The following GPC5 variants were observed in gnomAD, a reference collection of about 807,000 sequenced individuals.
The protein encoded by GPC5 is glypican-5.
Under a neutral mutation model 53.9 loss-of-function variants are expected in GPC5, and 47 were observed. The ratio of observed to expected loss-of-function variants is 0.87; its 90% CI spans 0.69 to 1.11. The LOEUF is 1.11. Ranked by LOEUF, GPC5 falls within the 50% of genes most tolerant of loss-of-function variation. The probability of loss-of-function intolerance (pLI) is 0.00; values close to 1 mark genes in which losing one functional copy is unlikely to be tolerated. For synonymous variants in GPC5, 286 were observed against 263.3 expected (o/e 1.09, Z -0.84); for missense variants, 748 against 713.1 (o/e 1.05, Z -0.56).
intron 6 of GPC5, among the ~76,000 whole-genome samples, chr13:91,978,130 T>C (rs2040324135): frequency 6.6e-6 from 1 of 152,130 alleles, no homozygotes; most frequent in Admixed American, 6.5e-5. Context: ...CCACTGCATG[T>C]TCTCATGAAG....
intron 7 of GPC5, among the ~76,000 whole-genome samples, chr13:92,865,349 G>A (rs1312601284): frequency 1.3e-5 from 2 of 152,116 alleles, no homozygotes; most frequent in Admixed American, 6.6e-5. Context: ...CTGTATGTGT[G>A]TATGGAAGAT....
At chr13:91,855,402 T>A (rs898328490) in intron 5 of GPC5, among the ~76,000 whole-genome samples, 1 of 151,654 alleles carries the variant, frequency 6.6e-6, no homozygotes, top group African/African-American at 2.4e-5. Context: ...CAATCCACAT[T>A]CAAACATGCA....
At chr13:91,441,090 C>T (rs570014917) in intron 1 of GPC5, among the ~76,000 whole-genome samples, 4 of 152,328 alleles carry the variant, frequency 2.6e-5, no homozygotes, top group Middle Eastern at 3.4e-3. Flanking sequence ...AGATAGAAAA[C>T]TAATCCCCTG....
At chr13:92,045,108 T>G (rs1403981874) in intron 6 of GPC5, among the ~76,000 whole-genome samples, 1 of 152,208 alleles carries the variant, frequency 6.6e-6, no homozygotes, top group African/African-American at 2.4e-5. Flanking sequence ...GACTTTCTTT[T>G]TCCCTCCATA....
chr13:92,486,642 T>A (rs908800380), intron 7 of GPC5, among the ~76,000 whole-genome samples: 1 of 152,202 alleles, frequency 6.6e-6, no homozygotes, highest in Non-Finnish European at 1.5e-5. Flanking sequence ...TGTATTTCTA[T>A]GAAAGGAAAT....
intron 7 of GPC5, among the ~76,000 whole-genome samples, chr13:92,641,583 A>G (rs971103338): frequency 6.6e-6 from 1 of 152,206 alleles, no homozygotes; most frequent in Non-Finnish European, 1.5e-5. Flanking sequence ...AGGATATTTA[A>G]TTCAGTCTGG....
intron 7 of GPC5, among the ~76,000 whole-genome samples, chr13:92,763,300 G>A (rs1594489731): frequency 6.6e-6 from 1 of 152,172 alleles, no homozygotes; most frequent in Non-Finnish European, 1.5e-5. Context: ...TAATGTACCA[G>A]TTGGGAAGGC....
chr13:91,937,723 T>A (rs955451368), intron 6 of GPC5, among the ~76,000 whole-genome samples: 2 of 152,122 alleles, frequency 1.3e-5, no homozygotes, highest in African/African-American at 2.4e-5. Flanking sequence ...GAATTGTATA[T>A]AGGTTTATTT....
intron 5 of GPC5, among the ~76,000 whole-genome samples, chr13:91,812,672 GTTGT>G (rs1361875401): frequency 1.3e-5 from 2 of 152,086 alleles, no homozygotes; most frequent in South Asian, 2.1e-4. Flanking sequence ...AGTTTCCTGT[GTTGT>G]TTGAGTTCTT....
intron 7 of GPC5, among the ~76,000 whole-genome samples, chr13:92,599,822 A>C (rs1223086705): frequency 6.6e-6 from 1 of 152,130 alleles, no homozygotes; most frequent in Non-Finnish European, 1.5e-5. Flanking sequence ...TTTGTAAAAA[A>C]AAATTATTCT....
intron 7 of GPC5, among the ~76,000 whole-genome samples, chr13:92,398,459 CT>C (rs1218677202): frequency 6.0e-5 from 9 of 148,856 alleles, no homozygotes; most frequent in African/African-American, 2.2e-4. Context: ...AATTATTCCA[CT>C]CAATTTGTTT....
chr13:91,701,317 T>A (rs975007119), intron 3 of GPC5, among the ~76,000 whole-genome samples: 5 of 152,158 alleles, frequency 3.3e-5, no homozygotes, highest in African/African-American at 4.8e-5. Context: ...TCTTTCTGTC[T>A]AATTGAAACT....
At chr13:91,698,518 T>G (rs2139843247) in intron 3 of GPC5, among the ~76,000 whole-genome samples, 1 of 152,266 alleles carries the variant, frequency 6.6e-6, no homozygotes, top group East Asian at 1.9e-4. Flanking sequence ...CTGGATTATT[T>G]AGGACAAAAT....
chr13:92,288,177 A>G (rs2042969265), intron 7 of GPC5, among the ~76,000 whole-genome samples: 2 of 151,800 alleles, frequency 1.3e-5, no homozygotes, highest in East Asian at 1.9e-4. Context: ...GTTTCTTTCT[A>G]TGATTTTCTT....
chr13:91,589,630 G>A (rs983380099), intron 2 of GPC5, among the ~76,000 whole-genome samples: 21 of 152,162 alleles, frequency 1.4e-4, no homozygotes, highest in African/African-American at 4.8e-4. Flanking sequence ...AAAGTTACTG[G>A]TTAGTACTGA....
intron 6 of GPC5, among the ~76,000 whole-genome samples, chr13:91,944,709 AC>A (rs2039959186): frequency 1.3e-5 from 2 of 152,272 alleles, no homozygotes; most frequent in South Asian, 4.1e-4. Context: ...TATTTCACCT[AC>A]TCCAAACTAG....
chr13:92,178,910 G>A (rs2042127299), intron 7 of GPC5, among the ~76,000 whole-genome samples: 1 of 152,146 alleles, frequency 6.6e-6, no homozygotes, highest in African/African-American at 2.4e-5. Context: ...GGTGGAGGTT[G>A]CAGTGAGCCA....
chr13:92,265,109 G>A (rs561321250), intron 7 of GPC5, among the ~76,000 whole-genome samples: 1 of 152,142 alleles, frequency 6.6e-6, no homozygotes, highest in East Asian at 1.9e-4. Flanking sequence ...TTGTCTTAAT[G>A]AATAGAACAT....
At chr13:92,410,097 A>G (rs1371781206) in intron 7 of GPC5, among the ~76,000 whole-genome samples, 1 of 152,188 alleles carries the variant, frequency 6.6e-6, no homozygotes, top group Non-Finnish European at 1.5e-5. Flanking sequence ...TTTTTCTTTA[A>G]TAACTGATGT....
Sources: gnomAD v4.1 joint callset for allele counts (sites outside exome capture counted in the v4.1 genomes callset) on GRCh38, gnomAD v4.1.1 for gene constraint, MANE v1.5 for transcripts, NCBI Gene and HGNC (gene_info 2026-07-23, HGNC 2026-07-21) for gene names.